GRID2: variants seen among roughly 807,000 people sequenced by gnomAD.
GRID2 encodes the protein glutamate ionotropic receptor delta type subunit 2.
In GRID2, 33 loss-of-function variants were observed where a neutral mutation model predicts 114.8. The observed-to-expected ratio is 0.29, with a 90% CI of 0.22 to 0.38. The LOEUF is 0.38. Ranked by LOEUF, GRID2 falls within the 10% of genes least tolerant of loss-of-function variation. The pLI is 1.00. For synonymous variants in GRID2, 505 were observed against 449.9 expected (o/e 1.12, Z -1.55); for missense variants, 1,184 against 1,257.7 (o/e 0.94, Z 0.89).
intron 1 of GRID2, among the ~76,000 whole-genome samples, chr4:92,446,572 C>T (rs544530297): frequency 1.1e-3 from 163 of 152,304 alleles, no homozygotes; most frequent in African/African-American, 3.9e-3. Context: ...ATGGGAGATT[C>T]AATCTGAATC....
chr4:93,791,059 G>A (rs1297578411), intron 1 of GRID2, among the ~76,000 whole-genome samples: 1 of 152,190 alleles, frequency 6.6e-6, no homozygotes, highest in Non-Finnish European at 1.5e-5. Context: ...GATGCTGCAA[G>A]AGTGTAAAAT....
intron 8 of GRID2, among the ~76,000 whole-genome samples, chr4:93,320,685 C>T (rs1757115504): frequency 6.6e-6 from 1 of 151,864 alleles, no homozygotes; most frequent in Non-Finnish European, 1.5e-5. Flanking sequence ...ATGAGTCAAC[C>T]ATAGCTGAAT....
In GRID2 at chr4:92,361,470, G is replaced by A. The variant is rs563588413; in HGVS notation, c.88+56726G>A. ...GGAAAGCCTTTATATAATTGAAACAGTAAAAATCTCAAGGATGATTTTCAC... is the reference window on the plus strand; with the variant it reads ...GGAAAGCCTTTATATAATTGAAACAATAAAAATCTCAAGGATGATTTTCAC... On this transcript the variant is annotated intron_variant, in intron 1 of 15. Transcript: ENST00000282020. 5.3e-5 allele frequency among the ~76,000 whole-genome samples: 8 copies of A among 152,048 alleles called. No homozygotes were observed. The East Asian group carries it at 1.6e-3, about 30-fold the overall frequency.
chr4:92,533,390 A>G (rs1241586031), intron 1 of GRID2, among the ~76,000 whole-genome samples: 1 of 152,096 alleles, frequency 6.6e-6, no homozygotes, highest in East Asian at 1.9e-4. Context: ...CAATACAGAA[A>G]TCATTTTTCC....
rs548582548 is a variant in GRID2 at position 93,618,333 on chromosome 4, C to T, written c.2194-7936C>T. Reference sequence around the variant, plus strand: ...TTGTTCTAATTTATTTTTCCCTTTCCGACTGTGGAACTCACTACATGGATT... The same window carrying T: ...TTGTTCTAATTTATTTTTCCCTTTCTGACTGTGGAACTCACTACATGGATT... On this transcript the variant is annotated intron_variant, in intron 13 of 15. Coordinates refer to ENST00000282020, the MANE Select transcript of GRID2 (RefSeq NM_001510.4). 7.2e-5 allele frequency among the ~76,000 whole-genome samples: 11 copies of T among 152,254 alleles called. No individual in the cohort carries two copies. The East Asian group carries it at 7.7e-4, about 11-fold the overall frequency.
chr4:92,845,287 G>C (rs1235087559), intron 2 of GRID2, among the ~76,000 whole-genome samples: 1 of 152,054 alleles, frequency 6.6e-6, no homozygotes, highest in African/African-American at 2.4e-5. Flanking sequence ...TATTCATACA[G>C]AGCAGAAGCA....
chr4:93,780,912 G>A (rs1452599712), intron 1 of GRID2, among the ~76,000 whole-genome samples: 1 of 152,202 alleles, frequency 6.6e-6, no homozygotes, highest in Non-Finnish European at 1.5e-5. Flanking sequence ...AATAATTTCG[G>A]TATGTGCTGA....
At chr4:93,479,730 C>A (rs1344554752) in intron 11 of GRID2, among the ~76,000 whole-genome samples, 1 of 151,932 alleles carries the variant, frequency 6.6e-6, no homozygotes, top group African/African-American at 2.4e-5. Flanking sequence ...TTTGTTCTAT[C>A]TGGGCCGCCA....
Position 92,375,265 on chromosome 4 carries a change from T to C in GRID2, c.88+70521T>C, listed in dbSNP as rs142871225. ...AATCTATAAGAAAGACATAGAATCATGTTCATGAAACCATAGAATTTTTGC... is the reference window on the plus strand; with the variant it reads ...AATCTATAAGAAAGACATAGAATCACGTTCATGAAACCATAGAATTTTTGC... On this transcript the variant is annotated intron_variant, in intron 1 of 15. Coordinates refer to ENST00000282020, the MANE Select transcript of GRID2 (RefSeq NM_001510.4). Among the ~76,000 whole-genome samples, 135 of 152,310 alleles carry C rather than the reference T, an allele frequency of 8.9e-4. 4 individuals carry two copies. The highest frequency in any genetic ancestry group is 1.1e-3 in the Non-Finnish European group (77 of 68,010).
Position 92,572,336 on chromosome 4 carries a change from G to T in GRID2, c.89-17795G>T, listed in dbSNP as rs574469338. 5.3e-5 allele frequency among the ~76,000 whole-genome samples: 8 copies of T among 152,220 alleles called. No homozygotes were observed. The South Asian group carries it at 1.7e-3, about 32-fold the overall frequency. ...CACCCTCCCAAGACTAAACCAGGAA[G>T]AAGTTGAATCTCTCTGAATAGACCA... On this transcript the variant is annotated intron_variant, in intron 1 of 15. Transcript: ENST00000282020.
intron 13 of GRID2, among the ~76,000 whole-genome samples, chr4:93,575,370 A>T (rs1736321891): frequency 6.6e-6 from 1 of 152,158 alleles, no homozygotes; most frequent in Admixed American, 6.6e-5. Flanking sequence ...TTGTTTCAAG[A>T]TGATAAATTT....
At chr4:93,172,675 C>T (rs1236107067) in intron 4 of GRID2, among the ~76,000 whole-genome samples, 1 of 152,084 alleles carries the variant, frequency 6.6e-6, no homozygotes, top group Non-Finnish European at 1.5e-5. Context: ...TGGACCCACA[C>T]ATTTGTGAAT....
chr4:92,402,931 G>C (rs759883685), intron 1 of GRID2, among the ~76,000 whole-genome samples: 1 of 152,196 alleles, frequency 6.6e-6, no homozygotes, highest in African/African-American at 2.4e-5. Context: ...CTCTTGTTTA[G>C]TGTAGCCTCC....
At chr4:93,336,242 C>A (rs543213035) in intron 8 of GRID2, among the ~76,000 whole-genome samples, 47 of 152,036 alleles carry the variant, frequency 3.1e-4, no homozygotes, top group African/African-American at 1.0e-3. Flanking sequence ...CTTTTGTATA[C>A]CCCCAAATTT....
At chr4:92,314,988 C>T (rs952646700) in intron 1 of GRID2, among the ~76,000 whole-genome samples, 15 of 151,942 alleles carry the variant, frequency 9.9e-5, no homozygotes, top group Admixed American at 6.6e-5. Context: ...CTTATTTGTG[C>T]TAAACAATGG....
At chr4:92,610,690 T>C (rs947231214) in intron 2 of GRID2, among the ~76,000 whole-genome samples, 8 of 151,692 alleles carry the variant, frequency 5.3e-5, no homozygotes, top group African/African-American at 1.9e-4. Flanking sequence ...GTAGAACTTT[T>C]CCATCACCCA....
At chr4:92,411,649 G>GTATATATATATATATATATA (rs1320090236) in intron 1 of GRID2, among the ~76,000 whole-genome samples, 155 of 94,566 alleles carry the variant, frequency 1.6e-3, no homozygotes, top group Middle Eastern at 0.011. Context: ...GTGTGTGTGT[G>GTATATATATATATATATATA]TGTGTGTATA....
chr4:93,744,976 T>A, intron 14 of GRID2, among the ~76,000 whole-genome samples: 1 of 152,196 alleles, frequency 6.6e-6, no homozygotes, highest in East Asian at 1.9e-4. Flanking sequence ...ATTATTAGCA[T>A]TTTTAGCAAA....
chr4:93,617,893 G>A (rs1480968814), intron 13 of GRID2, among the ~76,000 whole-genome samples: 1 of 152,092 alleles, frequency 6.6e-6, no homozygotes, highest in African/African-American at 2.4e-5. Context: ...AGCAACTGTG[G>A]GAAACATAAT....
Sources: gnomAD v4.1 joint callset for allele counts (sites outside exome capture counted in the v4.1 genomes callset) on GRCh38, gnomAD v4.1.1 for gene constraint, MANE v1.5 for transcripts, NCBI Gene and HGNC (gene_info 2026-07-23, HGNC 2026-07-21) for gene names.